COP1: variants seen among roughly 807,000 people sequenced by gnomAD.
COP1 encodes the protein COP1 E3 ubiquitin ligase.
In COP1, 24 loss-of-function variants were observed where a neutral mutation model predicts 101.3. The observed-to-expected ratio is 0.24, with a 90% CI of 0.17 to 0.33. The LOEUF (loss-of-function observed/expected upper bound fraction) is 0.33, where lower values mean the gene tolerates loss of function less well. Among genes scored for constraint, COP1 ranks in the 10% least tolerant of loss-of-function variants. The pLI is 1.00. For synonymous variants in COP1, 347 were observed against 341.9 expected (o/e 1.01, Z -0.17); for missense variants, 663 against 906.2 (o/e 0.73, Z 3.45).
intron 9 of COP1, among the ~76,000 whole-genome samples, chr1:176,113,616 A>G (rs1685660639): frequency 6.6e-6 from 1 of 152,146 alleles, no homozygotes; most frequent in African/African-American, 2.4e-5. Flanking sequence ...GTTTGGTCAA[A>G]GTCCTCCAGC....
chr1:175,955,323 A>C (rs892161597), intron 18 of COP1, among the ~76,000 whole-genome samples: 1 of 152,204 alleles, frequency 6.6e-6, no homozygotes, highest in Non-Finnish European at 1.5e-5. Flanking sequence ...CAGCAAACTA[A>C]GAATAGAAAG....
chr1:176,033,170 G>A (rs1180025862), intron 14 of COP1, among the ~76,000 whole-genome samples: 1 of 152,154 alleles, frequency 6.6e-6, no homozygotes, highest in Non-Finnish European at 1.5e-5. Context: ...CCAGCACCTT[G>A]GGAGGCCGAG....
chr1:176,151,367 AAGAAAG>A (rs1376689031), intron 5 of COP1, among the ~76,000 whole-genome samples: 2 of 96,980 alleles, frequency 2.1e-5, no homozygotes, highest in Admixed American at 9.2e-5. Flanking sequence ...GAAAGAAAGA[AAGAAAG>A]AAAGAAAGAA....
At chr1:175,953,755 G>A (rs1650251300) in intron 18 of COP1, among the ~76,000 whole-genome samples, 1 of 141,010 alleles carries the variant, frequency 7.1e-6, no homozygotes. Context: ...TTAAATAAGG[G>A]TCAACTTATA....
intron 14 of COP1, among the ~76,000 whole-genome samples, chr1:176,036,181 T>C (rs756731279): frequency 5.3e-5 from 8 of 151,928 alleles, no homozygotes; most frequent in Non-Finnish European, 7.4e-5. Context: ...ATGGGAAATG[T>C]ATATAACAAA....
chr1:176,060,700 A>G (rs1457878085), intron 11 of COP1, among the ~76,000 whole-genome samples: 2 of 152,178 alleles, frequency 1.3e-5, no homozygotes, highest in Non-Finnish European at 2.9e-5. Context: ...ACTATGATAT[A>G]AAGAAACCAT....
intron 14 of COP1, among the ~76,000 whole-genome samples, chr1:176,035,259 T>G (rs1259638037): frequency 6.6e-6 from 1 of 150,908 alleles, no homozygotes; most frequent in Non-Finnish European, 1.5e-5. Flanking sequence ...GAAACTATTT[T>G]TTTTTTAAAA....
chr1:175,953,721 G>A (rs964878445), intron 18 of COP1, among the ~76,000 whole-genome samples: 1 of 150,812 alleles, frequency 6.6e-6, no homozygotes, highest in Non-Finnish European at 1.5e-5. Context: ...AATTTGACCA[G>A]CGATAAAGAC....
At chr1:176,081,058 C>A in intron 11 of COP1, 94 bp downstream of exon 11, 2 of 1,138,428 alleles carry the variant, frequency 1.8e-6, no homozygotes, top group East Asian at 2.6e-5. Flanking sequence ...CTTCAGAACC[C>A]ACGCTTTTAA....
At chr1:175,975,434 G>A (rs1008080162) in intron 18 of COP1, among the ~76,000 whole-genome samples, 1 of 151,998 alleles carries the variant, frequency 6.6e-6, no homozygotes, top group Non-Finnish European at 1.5e-5. Flanking sequence ...TTGAGACAGG[G>A]TTTCACACTT....
chr1:175,989,304 T>G, intron 16 of COP1, 58 bp downstream of exon 16: 3 of 830,864 alleles, frequency 3.6e-6, no homozygotes, highest in Non-Finnish European at 6.3e-6. Flanking sequence ...CATTACAAGC[T>G]GGTAGGTAAG....
chr1:176,001,710 G>A (rs937263585), intron 15 of COP1, among the ~76,000 whole-genome samples: 2 of 151,908 alleles, frequency 1.3e-5, no homozygotes, highest in Admixed American at 6.6e-5. Flanking sequence ...ACTACTTTGT[G>A]GACTTACATT....
intron 11 of COP1, among the ~76,000 whole-genome samples, chr1:176,056,822 A>C (rs1673583207): frequency 6.6e-6 from 1 of 152,140 alleles, no homozygotes. Flanking sequence ...TTATTCTCCT[A>C]AATGGGAATT....
intron 9 of COP1, among the ~76,000 whole-genome samples, chr1:176,092,430 A>G (rs1681498403): frequency 6.6e-6 from 1 of 152,190 alleles, no homozygotes; most frequent in Non-Finnish European, 1.5e-5. Context: ...AAAATTAATC[A>G]TTAAAAAGGT....
chr1:176,091,079 G>C (rs2149452019), intron 9 of COP1, among the ~76,000 whole-genome samples: 1 of 152,178 alleles, frequency 6.6e-6, no homozygotes, highest in Middle Eastern at 3.4e-3. Flanking sequence ...GAGCAAAAAG[G>C]ACATCAATAA....
chr1:176,011,571 A>G (rs954962151), intron 15 of COP1, among the ~76,000 whole-genome samples: 2 of 152,176 alleles, frequency 1.3e-5, no homozygotes, highest in Non-Finnish European at 2.9e-5. Context: ...TTAACAATCA[A>G]ATCAATCTTT....
intron 11 of COP1, among the ~76,000 whole-genome samples, chr1:176,050,214 C>T (rs753102697): frequency 2.6e-5 from 4 of 152,108 alleles, no homozygotes; most frequent in Admixed American, 6.6e-5. Flanking sequence ...AGCTGAAATA[C>T]GTAATTCAGC....
chr1:176,206,688 G>A lies in COP1; in HGVS notation c.291C>T (p.Ala97=), dbSNP rs536346694. ...GGCTGGAGCTGCTGCCTCCTACGCC[G>A]GCGCTGGGCCTGGCCGCGCAGCTGT... ...SRHSCAARPS[A]GVGGSSSSLG... Residue 97 remains alanine (A), a synonymous_variant, in exon 1 of 20, where the codon GCC becomes GCT. Transcript: ENST00000367669. 1.9e-6 allele frequency: 3 copies of A among 1,607,002 alleles called. No individual in the cohort carries two copies. Among genetic ancestry groups the A allele is most frequent in the East Asian group, 2.2e-5 (1 of 44,832 alleles).
intron 14 of COP1, 123 bp downstream of exon 14, chr1:176,043,063 T>C: frequency 4.5e-6 from 3 of 665,498 alleles, no homozygotes; most frequent in South Asian, 3.9e-5. Flanking sequence ...GGAATAATAA[T>C]AATCAGTAAT....
Sources: gnomAD v4.1 joint callset for allele counts (sites outside exome capture counted in the v4.1 genomes callset) on GRCh38, gnomAD v4.1.1 for gene constraint, MANE v1.5 for transcripts, NCBI Gene and HGNC (gene_info 2026-07-23, HGNC 2026-07-21) for gene names.